The following CELSR1 variants were observed in gnomAD, a reference collection of about 807,000 sequenced individuals.
CELSR1 encodes the protein cadherin EGF LAG seven-pass G-type receptor 1.
CELSR1 carries 110 observed loss-of-function variants against 249.1 expected under a neutral mutation model. The ratio of observed to expected loss-of-function variants is 0.44; its 90% CI spans 0.38 to 0.52. The LOEUF is 0.52. CELSR1 is among the 20% of genes least tolerant of loss of function. The pLI is 0.00. For synonymous variants in CELSR1, 2,113 were observed against 1,900.0 expected (o/e 1.11, Z -2.92); for missense variants, 4,109 against 4,296.4 (o/e 0.96, Z 1.22).
chr22:46,508,577 A>G (rs906321109), intron 1 of CELSR1, among the ~76,000 whole-genome samples: 1 of 151,484 alleles, frequency 6.6e-6, no homozygotes, highest in Non-Finnish European at 1.5e-5. Flanking sequence ...GCTGTCCCTC[A>G]GCCCCTTCAC....
chr22:46,499,318 A>C (rs931484825), intron 1 of CELSR1, among the ~76,000 whole-genome samples: 3 of 152,210 alleles, frequency 2.0e-5, no homozygotes, highest in Admixed American at 6.5e-5. Context: ...AGAAATACAG[A>C]CAGCCAGTCA....
intron 9 of CELSR1, among the ~76,000 whole-genome samples, chr22:46,405,586 A>G (rs2079257364): frequency 6.6e-6 from 1 of 152,176 alleles, no homozygotes. Flanking sequence ...TATCCACAGG[A>G]TGAACCTGTT....
At position 46,486,576 on chromosome 22, in the gene CELSR1, C is replaced by T. The variant is rs2080315357; in HGVS notation, c.3545-22231G>A. Among the ~76,000 whole-genome samples the T allele has an allele frequency of 6.0e-5, 9 of 150,600 alleles. 1 individual carries two copies. In the South Asian group the frequency reaches 1.9e-3, roughly 32 times the overall value. On this transcript the variant is annotated intron_variant, in intron 1 of 34. Coordinates refer to ENST00000674500, the MANE Select transcript of CELSR1 (RefSeq NM_001378328.1). ...AAAAAATAAAGGCTGGACGCAGGGG[C>T]TCACGCCTGTAATCCCAGCACTTTG...
At position 46,472,604 on chromosome 22, in the gene CELSR1, A is replaced by T. The variant is rs118159968; in HGVS notation, c.3545-8259T>A. ...CGCATGAAAAGCAGCAAAACCAGCA[A>T]GGCATGGGGACGGGTGGCATCAGCT... On this transcript the variant is annotated intron_variant, in intron 1 of 34. Transcript: ENST00000674500. This position sits in a 1 kb window ranked among gnomAD's most constrained non-coding sequence, Gnocchi z 7.0. Among the ~76,000 whole-genome samples, 331 of 152,344 alleles carry T rather than the reference A, an allele frequency of 2.2e-3. No homozygotes were observed. The highest frequency in any genetic ancestry group is 3.4e-3 in the Middle Eastern group (1 of 294).
chr22:46,452,293 G>A (rs977856353), intron 2 of CELSR1, among the ~76,000 whole-genome samples: 1 of 152,252 alleles, frequency 6.6e-6, no homozygotes, highest in Non-Finnish European at 1.5e-5. Context: ...CTGGAGCCAC[G>A]GGAGATAAAA....
In CELSR1 at chr22:46,390,209, C is replaced by T. The variant is rs2079074368; in HGVS notation, c.6345+183G>A. Among the ~76,000 whole-genome samples, 1 of 152,208 alleles carries T rather than the reference C, an allele frequency of 6.6e-6. No individual in the cohort carries two copies. Among genetic ancestry groups the T allele is most frequent in the South Asian group, 2.1e-4 (1 of 4,832 alleles). On this transcript the variant is annotated intron_variant, in intron 17 of 34. Coordinates refer to ENST00000674500, the MANE Select transcript of CELSR1 (RefSeq NM_001378328.1). The surrounding 1 kb of genome is among the most constrained non-coding windows in gnomAD (Gnocchi z 6.3). Reference sequence around the variant, plus strand: ...CACGTGGGGGTGCCTGGCTCAGGTGCCAACACCCCGAAGTCCACAGGAACC... The same window carrying T: ...CACGTGGGGGTGCCTGGCTCAGGTGTCAACACCCCGAAGTCCACAGGAACC...
chr22:46,372,788 C>T, intron 25 of CELSR1, 95 bp downstream of exon 25: 3 of 1,445,816 alleles, frequency 2.1e-6, no homozygotes, highest in Non-Finnish European at 2.8e-6. Flanking sequence ...AGCATTGGGG[C>T]TGGGCAGGGA....
In CELSR1 at chr22:46,484,877, A is replaced by G. The variant is rs533883405; in HGVS notation, c.3545-20532T>C. On this transcript the variant is annotated intron_variant, in intron 1 of 34. Transcript: ENST00000674500. This position sits in a 1 kb window ranked among gnomAD's most constrained non-coding sequence, Gnocchi z 4.5. The stretch of plus-strand genomic sequence containing the variant: ...CAAATCATTTTCTTTGGGGGAAAAG[A>G]TCAAATATTGGCCCAGACGTCTATT... Among the ~76,000 whole-genome samples, 7 of 151,294 alleles carry G rather than the reference A, an allele frequency of 4.6e-5. No individual in the cohort carries two copies. In the East Asian group the frequency reaches 9.8e-4, roughly 21 times the overall value.
rs1258257395 is a variant in CELSR1, at chr22:46,464,080, G to C, written c.3810C>G (p.Val1270=). The C allele has an allele frequency of 2.5e-6, 4 of 1,613,792 alleles. No individual in the cohort carries two copies. The South Asian group carries it at 4.4e-5, about 18-fold the overall frequency. Residue 1270 remains valine (V), a synonymous_variant, in exon 2 of 35, where the codon GTC becomes GTG. Coordinates refer to ENST00000674500, the MANE Select transcript of CELSR1 (RefSeq NM_001378328.1). The surrounding 1 kb of genome is among the most constrained non-coding windows in gnomAD (Gnocchi z 8.5). ...CCTCCGACGGGAAGAACTGGCCGCG[G>C]ACGCCGCCAGGCAGCAGCGCCGAGA... ...VTFSALLPGG[V]RGQFFPSEDL...
In CELSR1 at chr22:46,363,496, AC is replaced by A; in HGVS notation, c.9036-250del. On this transcript the variant is annotated intron_variant, in intron 34 of 34. Coordinates refer to ENST00000674500, the MANE Select transcript of CELSR1 (RefSeq NM_001378328.1). This position sits in a 1 kb window ranked among gnomAD's most constrained non-coding sequence, Gnocchi z 4.3. ...AGAGCGCAAGGAATCCACGTTAGAAACCGGCCATCTCTACAGTGACTTTTGG... is the reference window on the plus strand; with the variant it reads ...AGAGCGCAAGGAATCCACGTTAGAAACGGCCATCTCTACAGTGACTTTTGG... 2.2e-6 allele frequency: 1 copy of A among 445,598 alleles called. No individual in the cohort carries two copies. The allele number at this position is 445,598 out of a possible 1,614,324, so 27.6% of individuals were successfully genotyped here. A position where few individuals can be genotyped will look rare whatever the true frequency, so the allele number is the denominator to read the frequency against.
chr22:46,439,269 C>T lies in CELSR1; in HGVS notation c.4326G>A (p.Val1442=). ...ACTGGGGCGGGAAGCTCCTGGTGGT[C>T]ACCTCACAGTAGGGCCTCTCATACT... ...PGEYERPYCE[V]TTRSFPPQSF... The change falls in exon 3 of 35, where the codon GTG becomes GTA. Residue 1442 remains valine (V), a synonymous_variant. Coordinates refer to ENST00000674500, the MANE Select transcript of CELSR1 (RefSeq NM_001378328.1). 2 of 1,614,146 alleles carry T rather than the reference C, an allele frequency of 1.2e-6. No individual in the cohort carries two copies. Among genetic ancestry groups the T allele is most frequent in the Non-Finnish European group, 8.5e-7 (1 of 1,180,010 alleles).
Position 46,533,640 on chromosome 22 carries a change from C to T in CELSR1, c.3531G>A (p.Glu1177=). 4.4e-6 allele frequency: 7 copies of T among 1,575,222 alleles called. No individual in the cohort carries two copies. Among genetic ancestry groups the T allele is most frequent in the Non-Finnish European group, 6.0e-6 (7 of 1,164,658 alleles). Residue 1177 remains glutamate (E), a synonymous_variant, in exon 1 of 35, where the codon GAG becomes GAA. Transcript: ENST00000674500. ...DNNRPLEALM[E]VSVSDGIHSV... ...ACGGCCACTCACCAGACACAGACAC[C>T]TCCATGAGCGCCTCCAGCGGCCGGT...
chr22:46,376,298 C>G (rs1182446935), intron 24 of CELSR1, among the ~76,000 whole-genome samples: 1 of 152,186 alleles, frequency 6.6e-6, no homozygotes, highest in African/African-American at 2.4e-5. Context: ...CTAAGATAAA[C>G]CCAACCTGGC....
intron 2 of CELSR1, among the ~76,000 whole-genome samples, chr22:46,455,096 A>C (rs1041435668): frequency 6.6e-6 from 1 of 152,210 alleles, no homozygotes; most frequent in African/African-American, 2.4e-5. Context: ...TCCGTGAGTC[A>C]GATACCACCT....
intron 2 of CELSR1, among the ~76,000 whole-genome samples, chr22:46,451,649 T>C (rs976974157): frequency 6.6e-6 from 1 of 151,906 alleles, no homozygotes; most frequent in African/African-American, 2.4e-5. Context: ...GAAGAGGGGC[T>C]CCCTACAACC....
intron 2 of CELSR1, 51 bp downstream of exon 2, chr22:46,463,656 C>T: frequency 6.9e-7 from 1 of 1,458,080 alleles, no homozygotes; most frequent in Non-Finnish European, 9.1e-7. Context: ...GACCCTCGGC[C>T]ATGTGACCTG....
intron 1 of CELSR1, among the ~76,000 whole-genome samples, chr22:46,502,300 G>GGAGGGGAGGAA (rs1181733410): frequency 1.7e-4 from 22 of 126,094 alleles, no homozygotes; most frequent in Non-Finnish European, 2.4e-4. Context: ...GGGAGGGTGG[G>GGAGGGGAGGAA]GAGGGGAGGA....
rs1225859287 is a variant in CELSR1 at position 46,374,861 on chromosome 22, A to G, written c.7585-1804T>C. Reference sequence around the variant, plus strand: ...CCTCCGCAGGAGCAGCGACCCTGCCATATGGGCCCCGCACACGGAGCCCCC... The same window carrying G: ...CCTCCGCAGGAGCAGCGACCCTGCCGTATGGGCCCCGCACACGGAGCCCCC... On this transcript the variant is annotated intron_variant, in intron 24 of 34. Transcript: ENST00000674500. The surrounding 1 kb of genome is among the most constrained non-coding windows in gnomAD (Gnocchi z 4.3). 4.6e-5 allele frequency among the ~76,000 whole-genome samples: 7 copies of G among 152,296 alleles called. 1 individual carries two copies. In the East Asian group the frequency reaches 1.4e-3, roughly 29 times the overall value.
At chr22:46,373,847 G>A (rs918126913) in intron 24 of CELSR1, among the ~76,000 whole-genome samples, 2 of 152,190 alleles carry the variant, frequency 1.3e-5, no homozygotes, top group Non-Finnish European at 2.9e-5. Context: ...CTACCAGGGG[G>A]TCCCAGGGAG....
Sources: gnomAD v4.1 joint callset for allele counts (sites outside exome capture counted in the v4.1 genomes callset) on GRCh38, gnomAD v4.1.1 for gene constraint, Gnocchi (gnomAD v3.1) non-coding constraint, MANE v1.5 for transcripts, NCBI Gene and HGNC (gene_info 2026-07-23, HGNC 2026-07-21) for gene names.